Variants in CFAP299 observed in about 807,000 individuals in gnomAD.
The protein encoded by CFAP299 is cilia- and flagella-associated protein 299.
Under a neutral mutation model 27.0 loss-of-function variants are expected in CFAP299, and 21 were observed. That is an observed-to-expected ratio of 0.78 (90% CI 0.55 to 1.12). The LOEUF is 1.12. Among genes scored for constraint, CFAP299 ranks in the 50% most tolerant of loss-of-function variants. CFAP299 has a pLI of 0.00. For missense variants in CFAP299, 310 were observed against 276.6 expected (o/e 1.12, Z -0.86); for synonymous variants, 104 against 98.1 (o/e 1.06, Z -0.36).
intron 2 of CFAP299, among the ~76,000 whole-genome samples, chr4:80,498,940 T>A (rs913566803): frequency 1.3e-5 from 2 of 152,178 alleles, no homozygotes; most frequent in Non-Finnish European, 2.9e-5. Flanking sequence ...TCATGTTCTT[T>A]GCAGCAACAT....
At chr4:80,612,110 G>T (rs764014185) in intron 3 of CFAP299, among the ~76,000 whole-genome samples, 11 of 151,844 alleles carry the variant, frequency 7.2e-5, no homozygotes, top group Admixed American at 3.9e-4. Flanking sequence ...ATACTGCAAA[G>T]AATCCATACA....
intron 3 of CFAP299, among the ~76,000 whole-genome samples, chr4:80,833,337 G>A (rs1221943674): frequency 1.3e-5 from 2 of 152,062 alleles, no homozygotes; most frequent in Middle Eastern, 3.4e-3. Flanking sequence ...TTTGGGAACC[G>A]AGAGCTCGTG....
At position 80,800,193 on chromosome 4, in the gene CFAP299, TATATA is replaced by T. The variant is rs1162249166; in HGVS notation, c.334-69789_334-69785del. 1.6e-3 allele frequency among the ~76,000 whole-genome samples: 113 copies of T among 72,226 alleles called. 1 individual carries two copies. The highest frequency in any genetic ancestry group is 5.1e-3 in the African/African-American group (90 of 17,498). The allele number at this position is 72,226 out of a possible 152,430, so 47.4% of individuals were successfully genotyped here. ...TATAATATATAATAATATGTAATAC[TATATA>T]ATATAATATATAATATATATTATAA... On this transcript the variant is annotated intron_variant, in intron 3 of 5. Coordinates refer to ENST00000358105, the MANE Select transcript of CFAP299 (RefSeq NM_152770.3).
At chr4:80,843,652 C>T (rs1730994256) in intron 3 of CFAP299, among the ~76,000 whole-genome samples, 1 of 152,134 alleles carries the variant, frequency 6.6e-6, no homozygotes, top group Admixed American at 6.6e-5. Context: ...GAGGAATCGC[C>T]ACACTGTCTT....
At chr4:80,770,086 A>G (rs1560742411) in intron 3 of CFAP299, among the ~76,000 whole-genome samples, 2 of 152,134 alleles carry the variant, frequency 1.3e-5, no homozygotes, top group Admixed American at 1.3e-4. Flanking sequence ...GGGTCTAACA[A>G]ACTTCTTTCT....
chr4:80,744,462 CT>C (rs1724469806), intron 3 of CFAP299, among the ~76,000 whole-genome samples: 1 of 152,130 alleles, frequency 6.6e-6, no homozygotes, highest in Non-Finnish European at 1.5e-5. Flanking sequence ...CTCATCTTCA[CT>C]TTTGAAAAAT....
At chr4:80,766,057 T>C (rs1725844423) in intron 3 of CFAP299, among the ~76,000 whole-genome samples, 4 of 152,066 alleles carry the variant, frequency 2.6e-5, no homozygotes, top group Admixed American at 2.6e-4. Flanking sequence ...AACTCATGAA[T>C]CTTAAGACTT....
intron 2 of CFAP299, among the ~76,000 whole-genome samples, chr4:80,422,256 T>C (rs1727319261): frequency 6.6e-6 from 1 of 152,180 alleles, no homozygotes; most frequent in Admixed American, 6.5e-5. Context: ...CACCATAGTG[T>C]CCTATAAAGT....
intron 3 of CFAP299, among the ~76,000 whole-genome samples, chr4:80,810,534 GAC>G (rs1327887273): frequency 1.3e-5 from 2 of 152,104 alleles, no homozygotes; most frequent in Admixed American, 6.6e-5. Flanking sequence ...GATGCAGAGA[GAC>G]ACAGAGAAGA....
chr4:80,414,725 A>G (rs1242360698), intron 2 of CFAP299, among the ~76,000 whole-genome samples: 1 of 152,212 alleles, frequency 6.6e-6, no homozygotes, highest in East Asian at 1.9e-4. Context: ...CATATATTGT[A>G]TTCTAACAGA....
chr4:80,536,856 A>G (rs1161145258), intron 2 of CFAP299, among the ~76,000 whole-genome samples: 1 of 152,110 alleles, frequency 6.6e-6, no homozygotes, highest in Non-Finnish European at 1.5e-5. Flanking sequence ...AGCAAAATAA[A>G]CAAGTGGGAT....
At chr4:80,331,632 T>G (rs1227523024), upstream of CFAP299, among the ~76,000 whole-genome samples, 2 of 152,154 alleles carry the variant, frequency 1.3e-5, no homozygotes. Flanking sequence ...CTTCCATGTT[T>G]CTCACATGAA....
chr4:80,523,950 T>C (rs191965289), intron 2 of CFAP299, among the ~76,000 whole-genome samples: 1 of 152,224 alleles, frequency 6.6e-6, no homozygotes, highest in Admixed American at 6.5e-5. Flanking sequence ...GAGAACATGT[T>C]AACAAGAATC....
chr4:80,652,510 C>T (rs562898736), intron 3 of CFAP299, among the ~76,000 whole-genome samples: 4 of 152,162 alleles, frequency 2.6e-5, no homozygotes, highest in African/African-American at 4.8e-5. Flanking sequence ...GGTTGTTTTA[C>T]AGTATTCCTT....
At position 80,341,310 on chromosome 4, in the gene CFAP299, C is replaced by A. The variant is rs113679755; in HGVS notation, c.111+5431C>A. Among the ~76,000 whole-genome samples, 922 of 152,296 alleles carry A rather than the reference C, an allele frequency of 6.1e-3. 19 individuals are homozygous for A. The highest frequency in any genetic ancestry group is 0.021 in the African/African-American group (884 of 41,558). ...GTGTGGATGAGGAAGGATCCCCCAA[C>A]GCAGCACACCTGCTCTACCAAAAAG... On this transcript the variant is annotated intron_variant, in intron 1 of 5. Transcript: ENST00000358105.
intron 3 of CFAP299, among the ~76,000 whole-genome samples, chr4:80,798,676 T>A (rs889083218): frequency 4.6e-5 from 7 of 152,104 alleles, no homozygotes; most frequent in Non-Finnish European, 7.4e-5. Flanking sequence ...TATCTGCTTC[T>A]AAAGCCAGGA....
intron 2 of CFAP299, among the ~76,000 whole-genome samples, chr4:80,404,557 G>A (rs901376745): frequency 6.6e-6 from 1 of 152,182 alleles, no homozygotes; most frequent in Non-Finnish European, 1.5e-5. Flanking sequence ...TTTTGTGACT[G>A]GCTTATTTTA....
chr4:80,438,921 A>G (rs1054543092), intron 2 of CFAP299, among the ~76,000 whole-genome samples: 2 of 152,202 alleles, frequency 1.3e-5, no homozygotes, highest in Non-Finnish European at 2.9e-5. Context: ...TTGGATTTAT[A>G]TGTAGGTCTT....
chr4:80,646,418 A>G (rs1740013390), intron 3 of CFAP299, among the ~76,000 whole-genome samples: 1 of 152,118 alleles, frequency 6.6e-6, no homozygotes, highest in African/African-American at 2.4e-5. Context: ...ATATTACCCT[A>G]ATTTCTAATC....
Sources: allele counts gnomAD v4.1 joint callset (sites outside exome capture counted in the v4.1 genomes callset), GRCh38; gene constraint gnomAD v4.1.1; transcripts MANE v1.5; gene names NCBI Gene and HGNC (gene_info 2026-07-23, HGNC 2026-07-21).